The following KHDRBS2 variants were observed in gnomAD, a reference collection of about 807,000 sequenced individuals.
KHDRBS2 encodes the protein KH RNA binding domain containing, signal transduction associated 2, also known as KH domain-containing, RNA-binding, signal transduction-associated protein 2.
Under a neutral mutation model 44.3 loss-of-function variants are expected in KHDRBS2, and 26 were observed. The observed-to-expected ratio is 0.59, with a 90% CI of 0.43 to 0.81. KHDRBS2 has a LOEUF of 0.81. Ranked by LOEUF, KHDRBS2 falls within the 40% of genes least tolerant of loss-of-function variation. KHDRBS2 has a pLI of 0.00. For missense variants in KHDRBS2, 476 were observed against 433.1 expected (o/e 1.10, Z -0.88); for synonymous variants, 194 against 151.1 (o/e 1.28, Z -2.08).
At chr6:62,132,420 C>T (rs1810536790) in intron 2 of KHDRBS2, among the ~76,000 whole-genome samples, 1 of 152,170 alleles carries the variant, frequency 6.6e-6, no homozygotes, top group Non-Finnish European at 1.5e-5. Context: ...ATATTCTTGC[C>T]TCTCCCAGCC....
At chr6:61,773,200 C>A (rs1425225669) in intron 6 of KHDRBS2, among the ~76,000 whole-genome samples, 1 of 152,016 alleles carries the variant, frequency 6.6e-6, no homozygotes, top group Non-Finnish European at 1.5e-5. Context: ...GTTCTAGATC[C>A]CTGAGGAATC....
intron 4 of KHDRBS2, among the ~76,000 whole-genome samples, chr6:61,925,842 T>G (rs1024198099): frequency 1.3e-5 from 2 of 152,204 alleles, no homozygotes; most frequent in Admixed American, 6.6e-5. Flanking sequence ...AGTGTTGTGC[T>G]GCAATAGTAA....
intron 6 of KHDRBS2, among the ~76,000 whole-genome samples, chr6:61,751,979 G>T (rs1192041438): frequency 6.6e-6 from 1 of 151,914 alleles, no homozygotes; most frequent in African/African-American, 2.4e-5. Flanking sequence ...CCTCTTCTTA[G>T]AAGGACACAA....
chr6:61,644,750 T>A, the KHDRBS2 span, among the ~76,000 whole-genome samples: 1 of 151,932 alleles, frequency 6.6e-6, no homozygotes, highest in African/African-American at 2.4e-5. Flanking sequence ...ATCAAAAAAA[T>A]AAAGAGATAC....
At chr6:61,835,858 C>G (rs1792587647) in intron 6 of KHDRBS2, among the ~76,000 whole-genome samples, 1 of 151,828 alleles carries the variant, frequency 6.6e-6, no homozygotes, top group East Asian at 1.9e-4. Flanking sequence ...AATTACCTAA[C>G]CAGTGTTGAA....
intron 1 of KHDRBS2, among the ~76,000 whole-genome samples, chr6:62,251,012 G>C (rs1413214328): frequency 6.6e-6 from 1 of 151,822 alleles, no homozygotes; most frequent in Admixed American, 6.6e-5. Context: ...TATTAAGATT[G>C]GTAAAGTATT....
At chr6:62,010,447 G>A (rs1396378722) in intron 3 of KHDRBS2, among the ~76,000 whole-genome samples, 3 of 152,080 alleles carry the variant, frequency 2.0e-5, no homozygotes, top group Non-Finnish European at 2.9e-5. Context: ...TGAGACTTTG[G>A]GGGACTGTTG....
chr6:62,000,012 T>C (rs1777937895), intron 3 of KHDRBS2, among the ~76,000 whole-genome samples: 1 of 152,138 alleles, frequency 6.6e-6, no homozygotes, highest in Non-Finnish European at 1.5e-5. Flanking sequence ...TTAACTTAAT[T>C]ACATCTGCAA....
chr6:62,003,247 T>G (rs1778601617), intron 3 of KHDRBS2, among the ~76,000 whole-genome samples: 1 of 151,720 alleles, frequency 6.6e-6, no homozygotes, highest in African/African-American at 2.4e-5. Flanking sequence ...CCACTGTACT[T>G]CAGCTTGGGT....
the KHDRBS2 span, among the ~76,000 whole-genome samples, chr6:61,662,262 G>A: frequency 6.6e-6 from 1 of 152,200 alleles, no homozygotes; most frequent in East Asian, 1.9e-4. Context: ...ATGGATTAAA[G>A]ACTTACATGT....
intron 4 of KHDRBS2, among the ~76,000 whole-genome samples, chr6:61,969,698 T>C (rs576169397): frequency 6.6e-6 from 1 of 152,006 alleles, no homozygotes; most frequent in African/African-American, 2.4e-5. Context: ...TAATTTATGT[T>C]GGAAAAATGC....
the KHDRBS2 span, among the ~76,000 whole-genome samples, chr6:61,628,582 T>C: frequency 6.6e-6 from 1 of 152,140 alleles, no homozygotes; most frequent in Non-Finnish European, 1.5e-5. Context: ...ACACTATGGA[T>C]CCATCCCCTC....
intron 2 of KHDRBS2, among the ~76,000 whole-genome samples, chr6:62,067,827 G>A (rs1451870511): frequency 6.6e-6 from 1 of 151,366 alleles, no homozygotes; most frequent in Non-Finnish European, 1.5e-5. Flanking sequence ...ATTTAAATAC[G>A]GTCGTACAAC....
chr6:61,892,235 C>G lies in KHDRBS2; in HGVS notation c.810+2400G>C, dbSNP rs1243360313. 4.6e-5 allele frequency among the ~76,000 whole-genome samples: 7 copies of G among 152,132 alleles called. No homozygotes were observed. The East Asian group carries it at 5.8e-4, about 13-fold the overall frequency. ...CTTCAAGGAGAACTACAAACCACTGCTCAATGAAATAAAAGAGGATACAAA... is the reference window on the plus strand; with the variant it reads ...CTTCAAGGAGAACTACAAACCACTGGTCAATGAAATAAAAGAGGATACAAA... On this transcript the variant is annotated intron_variant, in intron 6 of 8. Transcript: ENST00000281156.
chr6:61,579,778 C>T, the KHDRBS2 span, among the ~76,000 whole-genome samples: 1 of 152,074 alleles, frequency 6.6e-6, no homozygotes, highest in Admixed American at 6.6e-5. Flanking sequence ...GAAAGGCAGG[C>T]TGGGTGTGGT....
intron 3 of KHDRBS2, among the ~76,000 whole-genome samples, chr6:62,042,923 C>A (rs1432037927): frequency 6.6e-6 from 1 of 152,092 alleles, no homozygotes; most frequent in African/African-American, 2.4e-5. Context: ...TGCTTTAATA[C>A]CCCATTTCGT....
At chr6:61,560,415 T>G in the KHDRBS2 span, among the ~76,000 whole-genome samples, 1 of 152,184 alleles carries the variant, frequency 6.6e-6, no homozygotes, top group Non-Finnish European at 1.5e-5. Context: ...TCTCCCTACC[T>G]TCTCCTTAAG....
intron 3 of KHDRBS2, among the ~76,000 whole-genome samples, chr6:62,011,856 T>C (rs1780354220): frequency 2.0e-5 from 3 of 152,204 alleles, no homozygotes; most frequent in African/African-American, 7.2e-5. Flanking sequence ...TTCTCAAATG[T>C]ACTATAGGAA....
chr6:62,235,018 C>A (rs2150162104), intron 1 of KHDRBS2, among the ~76,000 whole-genome samples: 1 of 145,668 alleles, frequency 6.9e-6, no homozygotes, highest in East Asian at 2.0e-4. Flanking sequence ...AAAACTTATT[C>A]TATTAAATGA....
Sources: allele counts gnomAD v4.1 joint callset (sites outside exome capture counted in the v4.1 genomes callset), GRCh38; gene constraint gnomAD v4.1.1; transcripts MANE v1.5; gene names NCBI Gene and HGNC (gene_info 2026-07-23, HGNC 2026-07-21).